The following REPS2 variants were observed in gnomAD, a reference collection of about 807,000 sequenced individuals.
REPS2 encodes RALBP1 associated Eps domain containing 2, also known as ralBP1-associated Eps domain-containing protein 2.
In REPS2, 23 loss-of-function variants were observed where a neutral mutation model predicts 53.6. The ratio of observed to expected loss-of-function variants is 0.43; its 90% CI spans 0.31 to 0.61. The LOEUF (loss-of-function observed/expected upper bound fraction) is 0.61. Among genes scored for constraint, REPS2 ranks in the 20% least tolerant of loss-of-function variants. The pLI is 0.11. For synonymous variants in REPS2, 238 were observed against 218.6 expected, an observed-to-expected ratio of 1.09 and a Z score of -0.78; for missense variants, 446 against 534.9, an observed-to-expected ratio of 0.83 and a Z score of 1.64.
intron 4 of REPS2, among the ~76,000 whole-genome samples, chrX:17,026,855 A>T (rs182213664): frequency 5.0e-4 from 56 of 111,993 alleles, no homozygotes; most frequent in East Asian, 3.9e-3. Flanking sequence ...TGGCGCGATC[A>T]TGGCTCACTG....
chrX:17,148,831 C>T lies in REPS2; in HGVS notation c.*1350C>T, dbSNP rs929163478. Reference sequence around the variant, plus strand: ...GAAATGCTGTCTCTTGTGCATTTTACTAATTTCCCCATTCTTAGGGTAGCA... The same window carrying T: ...GAAATGCTGTCTCTTGTGCATTTTATTAATTTCCCCATTCTTAGGGTAGCA... On this transcript the variant is annotated 3_prime_UTR_variant, in exon 18 of 18. Coordinates refer to ENST00000357277, the MANE Select transcript of REPS2 (RefSeq NM_004726.3). 1.3e-4 allele frequency: 44 copies of T among 328,517 alleles called. No homozygotes were observed. The highest frequency in any genetic ancestry group is 2.3e-4 in the Non-Finnish European group (39 of 171,889). 27.1% of individuals were successfully genotyped at this position (328,517 alleles called of 1,213,427 possible).
the REPS2 span, among the ~76,000 whole-genome samples, chrX:17,191,923 G>C: frequency 8.9e-6 from 1 of 112,168 alleles, no homozygotes; most frequent in Non-Finnish European, 1.9e-5. Context: ...GGAATTTTTT[G>C]GTGTGATAGA....
chrX:17,179,833 C>T, the REPS2 span, among the ~76,000 whole-genome samples: 4 of 111,255 alleles, frequency 3.6e-5, no homozygotes, highest in African/African-American at 1.3e-4. Flanking sequence ...ACCAGAACAC[C>T]AGGCCATTAG....
At chrX:17,077,675 A>G in intron 13 of REPS2, among the ~76,000 whole-genome samples, 1 of 112,501 alleles carries the variant, frequency 8.9e-6, no homozygotes, top group East Asian at 2.8e-4. Context: ...CTTCACTCCC[A>G]TGCAGCCTGC....
At position 17,057,719 on chromosome X, in the gene REPS2, G is replaced by T. The variant is rs1050298291; in HGVS notation, c.1114+2769G>T. ...TCTCTCCCTCGTCTTGTCTTGTCTTGTCTTTTTCTTTTCTTTTCTTTTCTT... is the reference window on the plus strand; with the variant it reads ...TCTCTCCCTCGTCTTGTCTTGTCTTTTCTTTTTCTTTTCTTTTCTTTTCTT... On this transcript the variant is annotated intron_variant, in intron 8 of 17. Coordinates refer to ENST00000357277, the MANE Select transcript of REPS2 (RefSeq NM_004726.3). Among the ~76,000 whole-genome samples, 7 of 112,373 alleles carry T rather than the reference G, an allele frequency of 6.2e-5. No individual in the cohort carries two copies. The East Asian group carries it at 1.4e-3, about 22-fold the overall frequency.
At chrX:17,020,670 C>T (rs1043394360) in intron 2 of REPS2, among the ~76,000 whole-genome samples, 1 of 109,359 alleles carries the variant, frequency 9.1e-6, no homozygotes, top group Non-Finnish European at 1.9e-5. Context: ...CTCTTGTTGC[C>T]CAGGCTGGAG....
At chrX:17,031,725 A>G (rs767685209) in intron 5 of REPS2, among the ~76,000 whole-genome samples, 118 of 111,575 alleles carry the variant, frequency 1.1e-3, no homozygotes, top group Non-Finnish European at 1.5e-3. Flanking sequence ...GCAACATTCG[A>G]GTTGGAATAA....
At chrX:17,047,658 G>T (rs2061926702) in intron 6 of REPS2, among the ~76,000 whole-genome samples, 176 bp downstream of exon 6, 1 of 112,610 alleles carries the variant, frequency 8.9e-6, no homozygotes, top group Admixed American at 9.4e-5. Context: ...ATGACGTTTG[G>T]AAAATTATAT....
At chrX:17,164,067 A>G in the REPS2 span, among the ~76,000 whole-genome samples, 5 of 112,228 alleles carry the variant, frequency 4.5e-5, no homozygotes, top group Non-Finnish European at 9.4e-5. Context: ...AAGGAATGGA[A>G]CTATGTAGGA....
intron 10 of REPS2, among the ~76,000 whole-genome samples, chrX:17,069,653 A>G (rs1024470679): frequency 7.2e-5 from 8 of 111,835 alleles, no homozygotes; most frequent in Admixed American, 9.5e-5. Flanking sequence ...GAAACTCCCA[A>G]TACTTCCTGG....
At chrX:17,035,798 A>G (rs1409425726) in intron 5 of REPS2, among the ~76,000 whole-genome samples, 1 of 111,517 alleles carries the variant, frequency 9.0e-6, no homozygotes, top group Non-Finnish European at 1.9e-5. Context: ...AATATTGTAT[A>G]TGAATATCTT....
intron 1 of REPS2, among the ~76,000 whole-genome samples, chrX:16,966,434 C>T (rs904276149): frequency 3.1e-4 from 35 of 112,173 alleles, no homozygotes; most frequent in African/African-American, 1.1e-3. Flanking sequence ...TTTGCGTTTA[C>T]ATAATGAGAT....
chrX:16,969,116 T>C (rs1205267283), intron 1 of REPS2, among the ~76,000 whole-genome samples: 7 of 102,414 alleles, frequency 6.8e-5, no homozygotes, highest in Non-Finnish European at 9.9e-5. Flanking sequence ...ACTCCCCACA[T>C]CTCAGACGAT....
chrX:17,174,038 A>G, the REPS2 span, among the ~76,000 whole-genome samples: 7 of 100,394 alleles, frequency 7.0e-5, no homozygotes, highest in Admixed American at 2.2e-4. Flanking sequence ...CAAATGAATT[A>G]AAAAAAAAAA....
intron 1 of REPS2, among the ~76,000 whole-genome samples, chrX:16,984,920 C>T (rs2061072420): frequency 1.8e-5 from 2 of 110,993 alleles, no homozygotes; most frequent in African/African-American, 6.6e-5. Flanking sequence ...TGAATGCCAG[C>T]CAGAGTATAA....
chrX:17,143,943 C>T (rs1486337417), intron 17 of REPS2, among the ~76,000 whole-genome samples: 1 of 111,967 alleles, frequency 8.9e-6, no homozygotes, highest in Non-Finnish European at 1.9e-5. Context: ...TATCTGATGG[C>T]CCTTCTTTGC....
chrX:16,971,505 A>G (rs1462052690), intron 1 of REPS2, among the ~76,000 whole-genome samples: 1 of 112,017 alleles, frequency 8.9e-6, no homozygotes, highest in African/African-American at 3.2e-5. Flanking sequence ...GTGTCCTTTG[A>G]AGCATGAAAG....
intron 14 of REPS2, among the ~76,000 whole-genome samples, chrX:17,124,539 T>A (rs996756288): frequency 9.0e-6 from 1 of 111,614 alleles, no homozygotes; most frequent in Non-Finnish European, 1.9e-5. Context: ...TGGTTCTACA[T>A]CTTCTGTGAC....
intron 2 of REPS2, among the ~76,000 whole-genome samples, chrX:17,016,786 A>G (rs1227004118): frequency 1.1e-5 from 1 of 93,645 alleles, no homozygotes; most frequent in African/African-American, 4.0e-5. Flanking sequence ...TTTTTTGCAA[A>G]TATTCAAACA....
Sources: gnomAD v4.1 joint callset for allele counts (sites outside exome capture counted in the v4.1 genomes callset) on GRCh38, gnomAD v4.1.1 for gene constraint, MANE v1.5 for transcripts, NCBI Gene and HGNC (gene_info 2026-07-23, HGNC 2026-07-21) for gene names.